Variants in KLHL1 observed in about 807,000 individuals in gnomAD.
The protein encoded by KLHL1 is kelch-like protein 1.
Under a neutral mutation model 77.7 loss-of-function variants are expected in KLHL1, and 47 were observed. That is an observed-to-expected ratio of 0.60 (90% CI 0.48 to 0.77). KLHL1 has a LOEUF of 0.77. KLHL1 is among the 30% of genes least tolerant of loss of function. The probability of loss-of-function intolerance (pLI) is 0.00; values close to 1 mark genes in which losing one functional copy is unlikely to be tolerated. For synonymous variants in KLHL1, 360 were observed against 325.2 expected (o/e 1.11, Z -1.15); for missense variants, 925 against 910.8 (o/e 1.02, Z -0.20).
At chr13:69,823,148 G>A (rs2138081314) in intron 6 of KLHL1, among the ~76,000 whole-genome samples, 1 of 152,126 alleles carries the variant, frequency 6.6e-6, no homozygotes, top group South Asian at 2.1e-4. Context: ...AAGTAAGGCT[G>A]CATCCATCAT....
intron 1 of KLHL1, among the ~76,000 whole-genome samples, chr13:70,016,595 C>G (rs939714774): frequency 6.6e-6 from 1 of 152,190 alleles, no homozygotes; most frequent in Non-Finnish European, 1.5e-5. Context: ...TGTTTCAGCC[C>G]CCTCTGAATT....
At chr13:69,770,868 C>T (rs1875529898) in intron 7 of KLHL1, among the ~76,000 whole-genome samples, 1 of 152,150 alleles carries the variant, frequency 6.6e-6, no homozygotes, top group Non-Finnish European at 1.5e-5. Context: ...GCCTCAGCCT[C>T]CCAAGTAGCT....
chr13:70,013,427 C>T (rs549197338), intron 1 of KLHL1, among the ~76,000 whole-genome samples: 3 of 152,284 alleles, frequency 2.0e-5, no homozygotes, highest in South Asian at 2.1e-4. Flanking sequence ...TTCCATCTCT[C>T]ACCACAGGTT....
intron 8 of KLHL1, among the ~76,000 whole-genome samples, chr13:69,736,846 G>A (rs1424337015): frequency 1.3e-5 from 2 of 152,124 alleles, no homozygotes; most frequent in African/African-American, 4.8e-5. Flanking sequence ...TCGTAAGTGG[G>A]AGATAAGCTG....
intron 4 of KLHL1, among the ~76,000 whole-genome samples, chr13:69,897,494 G>A (rs1010206787): frequency 6.6e-6 from 1 of 152,164 alleles, no homozygotes; most frequent in African/African-American, 2.4e-5. Context: ...CTTTCCAGTA[G>A]CCCAAAGATA....
intron 7 of KLHL1, among the ~76,000 whole-genome samples, chr13:69,764,710 T>C (rs1875186000): frequency 6.6e-6 from 1 of 151,922 alleles, no homozygotes; most frequent in South Asian, 2.1e-4. Context: ...TTGGGAACAT[T>C]TAGAAATGCA....
intron 7 of KLHL1, among the ~76,000 whole-genome samples, chr13:69,760,418 T>C (rs9572263): frequency 0.36 from 55,335 of 151,806 alleles, 10,319 homozygotes; most frequent in African/African-American, 0.43. Flanking sequence ...TGCAAGAGCA[T>C]GATCTCAGCT....
intron 7 of KLHL1, among the ~76,000 whole-genome samples, chr13:69,778,949 C>T (rs567199592): frequency 1.3e-5 from 2 of 151,894 alleles, no homozygotes; most frequent in East Asian, 3.9e-4. Context: ...CAGGCACACG[C>T]CACCATACCC....
chr13:69,783,712 C>T (rs1327798913), intron 7 of KLHL1, among the ~76,000 whole-genome samples: 14 of 126,738 alleles, frequency 1.1e-4, no homozygotes, highest in Non-Finnish European at 1.7e-5. Flanking sequence ...GATTGGTGTA[C>T]CTGAAAGTGA....
At chr13:69,829,533 C>A (rs1163493240) in intron 6 of KLHL1, among the ~76,000 whole-genome samples, 1 of 149,926 alleles carries the variant, frequency 6.7e-6, no homozygotes, top group African/African-American at 2.5e-5. Flanking sequence ...AAGCAAGGAG[C>A]TATAACACCA....
chr13:69,954,606 C>T (rs1883810650), intron 3 of KLHL1, among the ~76,000 whole-genome samples: 1 of 151,294 alleles, frequency 6.6e-6, no homozygotes, highest in Non-Finnish European at 1.5e-5. Flanking sequence ...ATAACCCTTA[C>T]TCCTAAATAT....
intron 1 of KLHL1, among the ~76,000 whole-genome samples, chr13:70,017,490 C>T (rs764969500): frequency 2.0e-5 from 3 of 152,224 alleles, no homozygotes; most frequent in African/African-American, 7.2e-5. Flanking sequence ...AACTAGTGTG[C>T]CTAGCTCTGA....
rs557528222 is a variant in KLHL1, at chr13:69,838,098, G to T, written c.1414+878C>A. Among the ~76,000 whole-genome samples the T allele has an allele frequency of 4.6e-5, 7 of 151,336 alleles. No individual in the cohort carries two copies. In the South Asian group the frequency reaches 1.5e-3, roughly 31 times the overall value. On this transcript the variant is annotated intron_variant, in intron 6 of 10. Transcript: ENST00000377844. ...AAATGAGAATGTGTCATTCTCTATTGATTACATCAGTTTTTTTCCCTGCAG... is the reference window on the plus strand; with the variant it reads ...AAATGAGAATGTGTCATTCTCTATTTATTACATCAGTTTTTTTCCCTGCAG...
chr13:69,813,868 G>T (rs1043659443), intron 6 of KLHL1, among the ~76,000 whole-genome samples: 9 of 152,120 alleles, frequency 5.9e-5, no homozygotes, highest in Non-Finnish European at 1.3e-4. Flanking sequence ...AATTTCCAAT[G>T]TTGTTTTTCA....
At chr13:69,740,876 T>C (rs1263533014) in intron 7 of KLHL1, among the ~76,000 whole-genome samples, 1 of 152,078 alleles carries the variant, frequency 6.6e-6, no homozygotes, top group Non-Finnish European at 1.5e-5. Context: ...CCTAGATGCT[T>C]TATAAAATAA....
At chr13:70,105,788 A>G (rs1888040289) in intron 1 of KLHL1, among the ~76,000 whole-genome samples, 1 of 151,070 alleles carries the variant, frequency 6.6e-6, no homozygotes, top group Non-Finnish European at 1.5e-5. Flanking sequence ...ACCTAACGTT[A>G]TAATTCTTTT....
intron 4 of KLHL1, among the ~76,000 whole-genome samples, chr13:69,914,020 G>A (rs1882331488): frequency 6.6e-6 from 1 of 152,122 alleles, no homozygotes; most frequent in Admixed American, 6.5e-5. Flanking sequence ...GACTAGACTA[G>A]TTTAGTCTTC....
At chr13:69,826,545 A>G (rs1272643759) in intron 6 of KLHL1, among the ~76,000 whole-genome samples, 1 of 152,050 alleles carries the variant, frequency 6.6e-6, no homozygotes, top group Non-Finnish European at 1.5e-5. Context: ...CTGCCGTTGC[A>G]CTCCAGCCTA....
chr13:69,960,923 C>A (rs1021350869), intron 3 of KLHL1, among the ~76,000 whole-genome samples: 1 of 151,940 alleles, frequency 6.6e-6, no homozygotes, highest in Non-Finnish European at 1.5e-5. Flanking sequence ...GTTAAAGTAA[C>A]ACATTCCAGG....
Sources: gnomAD v4.1 joint callset for allele counts (sites outside exome capture counted in the v4.1 genomes callset) on GRCh38, gnomAD v4.1.1 for gene constraint, MANE v1.5 for transcripts, NCBI Gene and HGNC (gene_info 2026-07-23, HGNC 2026-07-21) for gene names.